Variants in BRD1 observed in about 807,000 individuals in gnomAD.
BRD1 encodes the protein bromodomain-containing protein 1.
BRD1 carries 24 observed loss-of-function variants against 107.7 expected under a neutral mutation model. The ratio of observed to expected loss-of-function variants is 0.22; its 90% CI spans 0.16 to 0.31. The LOEUF is 0.31. Among genes scored for constraint, BRD1 ranks in the 10% least tolerant of loss-of-function variants. BRD1 has a pLI of 1.00. For synonymous variants in BRD1, 744 were observed against 686.1 expected (o/e 1.08, Z -1.32); for missense variants, 1,279 against 1,638.6 (o/e 0.78, Z 3.79).
chr22:49,815,191 G>A (rs1056186817), intron 2 of BRD1, among the ~76,000 whole-genome samples: 2 of 152,220 alleles, frequency 1.3e-5, no homozygotes, highest in Admixed American at 1.3e-4. Context: ...CCCATGCTCT[G>A]AGCACTCAGA....
At chr22:49,808,361 C>T (rs2059784139) in intron 2 of BRD1, among the ~76,000 whole-genome samples, 1 of 152,222 alleles carries the variant, frequency 6.6e-6, no homozygotes, top group African/African-American at 2.4e-5. Flanking sequence ...AAGGAAGTTC[C>T]AATGCATGCA....
chr22:49,798,911 C>G (rs2059587537), intron 4 of BRD1, 77 bp downstream of exon 4: 11 of 1,520,282 alleles, frequency 7.2e-6, no homozygotes, highest in Non-Finnish European at 9.7e-6. Flanking sequence ...GCAGCCCACC[C>G]TCTGCAGGAG....
intron 3 of BRD1, among the ~76,000 whole-genome samples, chr22:49,802,051 G>C (rs561305712): frequency 2.6e-5 from 4 of 152,214 alleles, no homozygotes; most frequent in Non-Finnish European, 5.9e-5. Flanking sequence ...CTGGAGTTCT[G>C]TCCAGCCCCG....
chr22:49,808,799 GC>G (rs1193502410), intron 2 of BRD1, among the ~76,000 whole-genome samples: 1 of 152,198 alleles, frequency 6.6e-6, no homozygotes, highest in Non-Finnish European at 1.5e-5. Flanking sequence ...CTCCAAAACA[GC>G]AAAACCATCT....
Position 49,783,116 on chromosome 22 carries a change from G to A in BRD1, c.2857+4274C>T, listed in dbSNP as rs565469572. ...CAAGGCCCAGGCCAGACGCCTGCACGAGACCTGCTCTTGCTGGGACCCAGC... is the reference window on the plus strand; with the variant it reads ...CAAGGCCCAGGCCAGACGCCTGCACAAGACCTGCTCTTGCTGGGACCCAGC... On this transcript the variant is annotated intron_variant, in intron 8 of 12. Coordinates refer to ENST00000404760, the MANE Select transcript of BRD1 (RefSeq NM_001304808.3). The surrounding 1 kb of genome is among the most constrained non-coding windows in gnomAD (Gnocchi z 4.2). Among the ~76,000 whole-genome samples, 205 of 149,092 alleles carry A rather than the reference G, an allele frequency of 1.4e-3. No homozygotes were observed. The highest frequency in any genetic ancestry group is 5.0e-3 in the Admixed American group (75 of 15,036).
intron 3 of BRD1, among the ~76,000 whole-genome samples, chr22:49,801,305 C>T (rs1337942209): frequency 6.6e-6 from 1 of 152,226 alleles, no homozygotes; most frequent in Non-Finnish European, 1.5e-5. Flanking sequence ...AAACCAGGGC[C>T]TATATGCGCA....
chr22:49,823,516 G>C lies in BRD1; in HGVS notation c.802C>G (p.Pro268Ala), dbSNP rs1459256231. ...CRHCLQSRAR[P>A]ADCVLCPNKG... is the part of the protein sequence containing the mutation. ...TTGGGGCACAGCACACAGTCGGCGG[G>C]CCGGGCCCGCGACTGCAGGCAGTGG... The change falls in exon 2 of 13, where the codon CCC (proline) becomes GCC (alanine). Residue 268 changes from proline to alanine, a missense_variant. Pro to Ala is a conservative substitution (Grantham distance 27, BLOSUM62 -1). Transcript: ENST00000404760. The C allele has an allele frequency of 6.2e-7, 1 of 1,601,796 alleles. No individual in the cohort carries two copies. The highest frequency in any genetic ancestry group is 1.1e-5 in the South Asian group (1 of 90,874).
rs2147196768 is a variant in BRD1 at position 49,803,661 on chromosome 22, C to G, written c.1524+543G>C. 6.6e-6 allele frequency among the ~76,000 whole-genome samples: 1 copy of G among 152,248 alleles called. No individual in the cohort carries two copies. Among genetic ancestry groups the G allele is most frequent in the Middle Eastern group, 3.4e-3 (1 of 294 alleles). On this transcript the variant is annotated intron_variant, in intron 3 of 12. Coordinates refer to ENST00000404760, the MANE Select transcript of BRD1 (RefSeq NM_001304808.3). The surrounding 1 kb of genome is among the most constrained non-coding windows in gnomAD (Gnocchi z 4.4). ...TTAAAAAGGAAAAGTCCTGCTCCTT[C>G]CCTCCCACTCTCTCAGCTCTCTCGA...
Position 49,799,068 on chromosome 22 carries a change from G to C in BRD1, c.1576C>G (p.Gln526Glu). 1 of 1,611,072 alleles carries C rather than the reference G, an allele frequency of 6.2e-7. No individual in the cohort carries two copies. The highest frequency in any genetic ancestry group is 8.5e-7 in the Non-Finnish European group (1 of 1,179,970). ...KAAKEKLKYWQRLRHDLERAR... is the reference protein window; with the variant it reads ...KAAKEKLKYWERLRHDLERAR... ...CGCTCCAGGTCGTGCCGCAGCCGCT[G>C]CCAGTACTTCAGCTTCTCTTTGGCA... is the stretch of plus-strand genomic sequence containing the variant. The change falls in exon 4 of 13, where the codon CAG (glutamine) becomes GAG (glutamate). Residue 526 changes from glutamine to glutamate, a missense_variant. Gln to Glu is a conservative substitution (Grantham distance 29). Coordinates refer to ENST00000404760, the MANE Select transcript of BRD1 (RefSeq NM_001304808.3).
intron 7 of BRD1, among the ~76,000 whole-genome samples, chr22:49,790,852 G>A (rs1488085960): frequency 6.6e-6 from 1 of 152,194 alleles, no homozygotes; most frequent in African/African-American, 2.4e-5. Context: ...CGTGCTCAGC[G>A]CCCGTGCACG....
chr22:49,787,079 TA>T (rs574375921), intron 8 of BRD1, among the ~76,000 whole-genome samples: 2 of 150,802 alleles, frequency 1.3e-5, no homozygotes, highest in African/African-American at 2.4e-5. Flanking sequence ...AAGACTCTCT[TA>T]AAAAAAAATC....
intron 2 of BRD1, among the ~76,000 whole-genome samples, chr22:49,820,044 C>CTCCTG (rs2060035064): frequency 1.3e-5 from 2 of 151,846 alleles, no homozygotes; most frequent in African/African-American, 4.8e-5. Flanking sequence ...GCAGGAGAAT[C>CTCCTG]ACTTGAACCC....
chr22:49,780,980 CTTTCAGCAACTT>C (rs1403094211), intron 8 of BRD1, among the ~76,000 whole-genome samples: 1 of 152,248 alleles, frequency 6.6e-6, no homozygotes, highest in East Asian at 1.9e-4. Context: ...CAAGGGGCAA[CTTTCAGCAACTT>C]TTTCAGCACG....
rs1207102199 is a variant in BRD1, at chr22:49,783,715, C to T, written c.2857+3675G>A. On this transcript the variant is annotated intron_variant, in intron 8 of 12. Coordinates refer to ENST00000404760, the MANE Select transcript of BRD1 (RefSeq NM_001304808.3). This position sits in a 1 kb window ranked among gnomAD's most constrained non-coding sequence, Gnocchi z 4.2. ...CGTGCACCGGGCGCCAGCACCATTC[C>T]CACTGCCGGGCTCTGACTTACAGAG... is the stretch of plus-strand genomic sequence containing the variant. Among the ~76,000 whole-genome samples the T allele has an allele frequency of 6.6e-6, 1 of 152,080 alleles. No individual in the cohort carries two copies. The highest frequency in any genetic ancestry group is 1.5e-5 in the Non-Finnish European group (1 of 68,018).
At chr22:49,794,413 G>C in intron 6 of BRD1, 119 bp from the exon 7 acceptor site, 2 of 1,349,846 alleles carry the variant, frequency 1.5e-6, no homozygotes, top group Non-Finnish European at 2.0e-6. Flanking sequence ...TGTTAGCAAC[G>C]AGGCCCAGGC....
chr22:49,820,368 A>G (rs2060042353), intron 2 of BRD1, among the ~76,000 whole-genome samples: 1 of 152,056 alleles, frequency 6.6e-6, no homozygotes, highest in South Asian at 2.1e-4. Flanking sequence ...GGTGGGTCCT[A>G]CACCGGAGCC....
intron 2 of BRD1, among the ~76,000 whole-genome samples, chr22:49,811,825 G>A (rs960799942): frequency 6.6e-6 from 1 of 152,230 alleles, no homozygotes; most frequent in African/African-American, 2.4e-5. Context: ...CACCGCACAG[G>A]CGAATTCAGC....
intron 3 of BRD1, 23 bp downstream of exon 3, chr22:49,804,181 T>G (rs2059697450): frequency 6.4e-7 from 1 of 1,552,576 alleles, no homozygotes; most frequent in Non-Finnish European, 8.7e-7. Flanking sequence ...GCAGAAAGGC[T>G]GTGGGGGCCA....
In BRD1 at chr22:49,775,714, C is replaced by T. The variant is rs769548727; in HGVS notation, c.3263G>A (p.Gly1088Asp). The T allele has an allele frequency of 6.2e-7, 1 of 1,613,532 alleles. No homozygotes were observed. The highest frequency in any genetic ancestry group is 8.5e-7 in the Non-Finnish European group (1 of 1,179,782). ...CGGGATGGTGACGCCGTTGTGGTGG[C>T]CAGGCACACGGGGCATCTTGGGGTC... Reference protein sequence around the residue: ...IIDPKMPRVPGHHNGVTIPAP... With the variant: ...IIDPKMPRVPDHHNGVTIPAP... Residue 1088 changes from glycine to aspartate, a missense_variant, in exon 12 of 13, where the codon GGC (glycine) becomes GAC (aspartate). Physicochemically the swap from Gly to Asp is moderately conservative, Grantham distance 94. Transcript: ENST00000404760.
Sources: allele counts gnomAD v4.1 joint callset (sites outside exome capture counted in the v4.1 genomes callset), GRCh38; gene constraint gnomAD v4.1.1; non-coding constraint Gnocchi (gnomAD v3.1); transcripts MANE v1.5; gene names NCBI Gene and HGNC (gene_info 2026-07-23, HGNC 2026-07-21).